Variants in CTNNA2 observed in about 807,000 individuals in gnomAD.
CTNNA2 encodes the protein catenin alpha 2, also known as catenin alpha-2.
In CTNNA2, 42 loss-of-function variants were observed where a neutral mutation model predicts 101.0. The ratio of observed to expected loss-of-function variants is 0.42; its 90% CI spans 0.32 to 0.54. CTNNA2 has a LOEUF of 0.54. CTNNA2 is among the 20% of genes least tolerant of loss of function. The probability of loss-of-function intolerance (pLI) is 0.14; values close to 1 mark genes in which losing one functional copy is unlikely to be tolerated. For missense variants in CTNNA2, 871 were observed against 1,223.1 expected (o/e 0.71, Z 4.29); for synonymous variants, 450 against 456.4 (o/e 0.99, Z 0.18).
intron 9 of CTNNA2, among the ~76,000 whole-genome samples, chr2:80,489,246 T>G (rs1303910145): frequency 6.6e-6 from 1 of 152,180 alleles, no homozygotes. Context: ...AGGCTTAAAA[T>G]TACTGCTTTC....
intron 2 of CTNNA2, among the ~76,000 whole-genome samples, chr2:79,741,983 C>G (rs966356199): frequency 3.8e-4 from 58 of 152,208 alleles, no homozygotes; most frequent in Non-Finnish European, 7.9e-4. Flanking sequence ...CCCTTTCTTC[C>G]CTTTGTGCTC....
intron 7 of CTNNA2, among the ~76,000 whole-genome samples, chr2:80,152,547 T>A (rs1703773584): frequency 2.0e-5 from 3 of 152,140 alleles, no homozygotes; most frequent in Non-Finnish European, 4.4e-5. Context: ...ACATTTTTTT[T>A]ATTATTAAAA....
intron 7 of CTNNA2, among the ~76,000 whole-genome samples, chr2:80,016,487 G>T (rs577528321): frequency 1.3e-5 from 2 of 152,246 alleles, no homozygotes; most frequent in East Asian, 1.9e-4. Context: ...AGAGAGTGAG[G>T]CCTCTTTAAT....
intron 7 of CTNNA2, among the ~76,000 whole-genome samples, chr2:80,085,903 A>T (rs1361776844): frequency 2.0e-5 from 3 of 152,068 alleles, no homozygotes; most frequent in African/African-American, 7.2e-5. Flanking sequence ...CAGAGAGTTA[A>T]TACAGCACAA....
intron 2 of CTNNA2, among the ~76,000 whole-genome samples, chr2:79,737,169 G>A (rs1237769815): frequency 1.3e-5 from 2 of 152,036 alleles, no homozygotes; most frequent in Non-Finnish European, 2.9e-5. Flanking sequence ...CCAACATGGC[G>A]AAACCCCGTC....
At chr2:80,001,106 C>T (rs776921611) in intron 7 of CTNNA2, among the ~76,000 whole-genome samples, 3 of 152,154 alleles carry the variant, frequency 2.0e-5, no homozygotes, top group Admixed American at 1.3e-4. Context: ...TTTCCATTTA[C>T]ACACAACTTT....
chr2:80,215,438 T>A (rs560334866), intron 7 of CTNNA2, among the ~76,000 whole-genome samples: 131 of 152,322 alleles, frequency 8.6e-4, no homozygotes, highest in African/African-American at 3.0e-3. Flanking sequence ...AGGTGGGGTT[T>A]TGGTGTGGAT....
At chr2:79,745,782 A>G (rs1218641397) in intron 3 of CTNNA2, among the ~76,000 whole-genome samples, 1 of 152,130 alleles carries the variant, frequency 6.6e-6, no homozygotes, top group Non-Finnish European at 1.5e-5. Context: ...TATATACCAC[A>G]TTTTGTTTAT....
chr2:80,276,851 T>C (rs1446051090), intron 7 of CTNNA2, among the ~76,000 whole-genome samples: 1 of 152,040 alleles, frequency 6.6e-6, no homozygotes, highest in African/African-American at 2.4e-5. Flanking sequence ...AAATTGGGGA[T>C]CAAATTTCAA....
intron 7 of CTNNA2, among the ~76,000 whole-genome samples, chr2:80,300,263 A>G: frequency 6.7e-6 from 1 of 148,456 alleles, no homozygotes; most frequent in Non-Finnish European, 1.5e-5. Flanking sequence ...GGCCAGGAAA[A>G]ATGAGCTGGG....
intron 7 of CTNNA2, among the ~76,000 whole-genome samples, chr2:79,989,814 T>C (rs766221238): frequency 2.0e-5 from 3 of 152,162 alleles, no homozygotes; most frequent in Non-Finnish European, 4.4e-5. Flanking sequence ...TCCAAAGGGG[T>C]CTACAGGGTG....
intron 3 of CTNNA2, among the ~76,000 whole-genome samples, chr2:79,346,895 G>A (rs1247315560): frequency 6.6e-6 from 1 of 152,122 alleles, no homozygotes; most frequent in Non-Finnish European, 1.5e-5. Context: ...TTTTCATAAT[G>A]TTTTGCATCT....
chr2:80,448,792 G>A (rs1177267576), intron 9 of CTNNA2, among the ~76,000 whole-genome samples: 3 of 152,134 alleles, frequency 2.0e-5, no homozygotes, highest in Non-Finnish European at 2.9e-5. Context: ...AGGGTCTTCA[G>A]AAAACCTGGA....
At chr2:79,792,873 A>C (rs1230347683) in intron 3 of CTNNA2, among the ~76,000 whole-genome samples, 1 of 152,218 alleles carries the variant, frequency 6.6e-6, no homozygotes, top group African/African-American at 2.4e-5. Context: ...CAAAATATTT[A>C]TTTCTATAAT....
rs570040951 is a variant in CTNNA2 at position 79,728,145 on chromosome 2, A to C, written c.103-16242A>C. 1.8e-4 allele frequency among the ~76,000 whole-genome samples: 27 copies of C among 152,298 alleles called. 1 individual carries two copies. In the East Asian group the frequency reaches 5.2e-3, roughly 29 times the overall value. On this transcript the variant is annotated intron_variant, in intron 2 of 18. Transcript: ENST00000402739. Reference sequence around the variant, plus strand: ...ATTTCTAGTTCTAGATCCCTGAGGAATCACCACACTGACTTCCACAATGGT... The same window carrying C: ...ATTTCTAGTTCTAGATCCCTGAGGACTCACCACACTGACTTCCACAATGGT...
At chr2:79,487,045 T>G (rs1671165096) in intron 4 of CTNNA2, among the ~76,000 whole-genome samples, 1 of 152,178 alleles carries the variant, frequency 6.6e-6, no homozygotes, top group African/African-American at 2.4e-5. Context: ...GAAAACATAA[T>G]AAATTTAAAA....
intron 12 of CTNNA2, among the ~76,000 whole-genome samples, chr2:80,571,718 TCA>T (rs1364226539): frequency 6.6e-6 from 1 of 152,204 alleles, no homozygotes; most frequent in Non-Finnish European, 1.5e-5. Flanking sequence ...GTCCCCTGAC[TCA>T]CATCCCTAAG....
At chr2:79,644,985 T>C (rs986382099) in intron 1 of CTNNA2, among the ~76,000 whole-genome samples, 13 of 151,962 alleles carry the variant, frequency 8.6e-5, no homozygotes, top group African/African-American at 2.9e-4. Flanking sequence ...TGTTTTTTGT[T>C]TTTTGTTTTT....
intron 2 of CTNNA2, among the ~76,000 whole-genome samples, chr2:79,236,839 G>T (rs1674564113): frequency 6.6e-6 from 1 of 152,096 alleles, no homozygotes; most frequent in Non-Finnish European, 1.5e-5. Flanking sequence ...CACATCTTCA[G>T]GCTCCATTTT....
Sources: gnomAD v4.1 joint callset for allele counts (sites outside exome capture counted in the v4.1 genomes callset) on GRCh38, gnomAD v4.1.1 for gene constraint, MANE v1.5 for transcripts, NCBI Gene and HGNC (gene_info 2026-07-23, HGNC 2026-07-21) for gene names.